The following SLC29A3 variants were observed in gnomAD, a reference collection of about 807,000 sequenced individuals.
The protein encoded by SLC29A3 is equilibrative nucleoside transporter 3.
In SLC29A3, 18 loss-of-function variants were observed where a neutral mutation model predicts 25.4. The observed-to-expected ratio is 0.71, with a 90% CI of 0.49 to 1.05. The LOEUF is 1.05. Among genes scored for constraint, SLC29A3 ranks in the 50% least tolerant of loss-of-function variants. The pLI, the probability that SLC29A3 is intolerant of heterozygous loss-of-function variation, is 0.00. For missense variants in SLC29A3, 586 were observed against 609.0 expected (o/e 0.96, Z 0.40); for synonymous variants, 258 against 267.1 (o/e 0.97, Z 0.33).
intron 2 of SLC29A3, among the ~76,000 whole-genome samples, chr10:71,335,036 C>T (rs1846212079): frequency 6.7e-6 from 1 of 149,398 alleles, no homozygotes; most frequent in Non-Finnish European, 1.5e-5. Flanking sequence ...ATACAAGCTG[C>T]TTGGCCATCA....
chr10:71,337,631 G>A (rs1031444051), intron 2 of SLC29A3, among the ~76,000 whole-genome samples: 2 of 152,200 alleles, frequency 1.3e-5, no homozygotes. Flanking sequence ...TGAGTCTGCC[G>A]CAGCTCGTGA....
chr10:71,340,872 A>G (rs1050406443), intron 2 of SLC29A3, among the ~76,000 whole-genome samples: 1 of 152,162 alleles, frequency 6.6e-6, no homozygotes, highest in Non-Finnish European at 1.5e-5. Context: ...GGAATACTCC[A>G]TCAGGGAGTG....
At chr10:71,335,295 C>G (rs1457493062) in intron 2 of SLC29A3, among the ~76,000 whole-genome samples, 1 of 152,164 alleles carries the variant, frequency 6.6e-6, no homozygotes, top group Non-Finnish European at 1.5e-5. Context: ...AGACCACCCG[C>G]GAATCGGCCC....
At chr10:71,327,686 G>A (rs1846003314) in intron 2 of SLC29A3, among the ~76,000 whole-genome samples, 1 of 151,746 alleles carries the variant, frequency 6.6e-6, no homozygotes, top group African/African-American at 2.4e-5. Flanking sequence ...TGGTATGTAG[G>A]GTACTATCCT....
intron 3 of SLC29A3, among the ~76,000 whole-genome samples, chr10:71,371,876 T>C (rs1004920195): frequency 4.6e-5 from 7 of 152,196 alleles, no homozygotes; most frequent in African/African-American, 1.4e-4. Context: ...CCTGACCACT[T>C]TTTCAATGAG....
At chr10:71,377,541 G>A (rs933069674) in intron 4 of SLC29A3, among the ~76,000 whole-genome samples, 4 of 152,190 alleles carry the variant, frequency 2.6e-5, no homozygotes, top group African/African-American at 4.8e-5. Context: ...CAATGCCCGC[G>A]CGGGGGCCGT....
intron 4 of SLC29A3, among the ~76,000 whole-genome samples, chr10:71,353,602 A>G (rs749951439): frequency 6.6e-5 from 10 of 152,022 alleles, no homozygotes; most frequent in Admixed American, 4.6e-4. Context: ...AGTATTAATG[A>G]CCCTGAGTCT....
chr10:71,355,053 A>G (rs1210956485), intron 4 of SLC29A3, among the ~76,000 whole-genome samples: 4 of 152,188 alleles, frequency 2.6e-5, no homozygotes, highest in Non-Finnish European at 4.4e-5. Flanking sequence ...AGAAGCAACA[A>G]TGCAGTCGTG....
intron 1 of SLC29A3, among the ~76,000 whole-genome samples, chr10:71,320,771 G>C (rs1460387105): frequency 6.6e-6 from 1 of 152,212 alleles, no homozygotes; most frequent in African/African-American, 2.4e-5. Flanking sequence ...GTCGTGCAGA[G>C]TCCGTTCATT....
chr10:71,334,681 C>T (rs11594628), intron 2 of SLC29A3, among the ~76,000 whole-genome samples: 5,282 of 152,222 alleles, frequency 0.035, 125 homozygotes, highest in Non-Finnish European at 0.056. Flanking sequence ...GAACCGCCAT[C>T]GCTGGATTGT....
intron 5 of SLC29A3, among the ~76,000 whole-genome samples, chr10:71,359,155 C>A (rs1219274441): frequency 6.6e-6 from 1 of 152,036 alleles, no homozygotes; most frequent in African/African-American, 2.4e-5. Flanking sequence ...GTGATCCACC[C>A]GCCTCAGCCT....
At chr10:71,352,943 C>G (rs966477035) in intron 4 of SLC29A3, 1 of 152,250 alleles carries the variant, frequency 6.6e-6, no homozygotes, top group Non-Finnish European at 1.5e-5. Context: ...GAGGAGAGCT[C>G]TAAACATTTG....
intron 3 of SLC29A3, among the ~76,000 whole-genome samples, chr10:71,349,663 G>T (rs1846697850): frequency 6.6e-6 from 1 of 152,046 alleles, no homozygotes; most frequent in Non-Finnish European, 1.5e-5. Flanking sequence ...GGCAGACAAA[G>T]GCCCCACACC....
intron 4 of SLC29A3, among the ~76,000 whole-genome samples, chr10:71,354,043 A>G (rs1195540269): frequency 6.6e-6 from 1 of 152,200 alleles, no homozygotes; most frequent in East Asian, 1.9e-4. Context: ...CGGGGATTAC[A>G]GCTTCTCAGA....
At chr10:71,370,301 G>C (rs960037071) in intron 3 of SLC29A3, among the ~76,000 whole-genome samples, 5 of 152,142 alleles carry the variant, frequency 3.3e-5, no homozygotes, top group Non-Finnish European at 7.4e-5. Context: ...GAAGTTCTAG[G>C]ATAACCATGC....
chr10:71,355,322 G>A (rs1248025445), intron 4 of SLC29A3, among the ~76,000 whole-genome samples: 4 of 152,224 alleles, frequency 2.6e-5, no homozygotes, highest in Admixed American at 1.3e-4. Flanking sequence ...CTGTTAGGTA[G>A]CAGTGAAAGG....
Position 71,362,565 on chromosome 10 carries a change from C to T in SLC29A3, c.1385C>T (p.Thr462Ile), listed in dbSNP as rs779816464. 9.3e-6 allele frequency: 15 copies of T among 1,614,156 alleles called. No individual in the cohort carries two copies. The South Asian group carries it at 1.4e-4, about 15-fold the overall frequency. The part of the protein sequence containing the change: ...VMSFYVCLGL[T>I]LGSACSTLLV... The stretch of plus-strand genomic sequence containing the variant: ...TCCTTTTATGTGTGCTTGGGCTTAA[C>T]ACTGGGCTCAGCCTGCTCTACCCTC... The change falls in exon 6 of 6, where the codon ACA becomes ATA. Residue 462 changes from threonine to isoleucine, a missense_variant. Thr to Ile is a moderately conservative substitution (Grantham distance 89). Transcript: ENST00000373189.
At chr10:71,328,023 G>A (rs994868430) in intron 2 of SLC29A3, among the ~76,000 whole-genome samples, 2 of 152,074 alleles carry the variant, frequency 1.3e-5, no homozygotes, top group Non-Finnish European at 2.9e-5. Flanking sequence ...TCCTACCCCG[G>A]AGAGAAGAGT....
At chr10:71,327,917 C>G (rs915097094) in intron 2 of SLC29A3, among the ~76,000 whole-genome samples, 3 of 152,072 alleles carry the variant, frequency 2.0e-5, no homozygotes, top group African/African-American at 7.2e-5. Flanking sequence ...CATCCCCTGC[C>G]CTGTGGGGCC....
Sources: allele counts gnomAD v4.1 joint callset (sites outside exome capture counted in the v4.1 genomes callset), GRCh38; gene constraint gnomAD v4.1.1; transcripts MANE v1.5; gene names NCBI Gene and HGNC (gene_info 2026-07-23, HGNC 2026-07-21).